IMMT: variants seen among roughly 807,000 people sequenced by gnomAD.
IMMT encodes inner membrane mitochondrial protein, also known as MICOS complex subunit MIC60.
A neutral mutation model predicts 92.7 loss-of-function variants in IMMT; 40 were observed. The observed-to-expected ratio is 0.43, with a 90% confidence interval of 0.34 to 0.56. IMMT has a LOEUF of 0.56. Ranked by LOEUF, IMMT falls within the 20% of genes least tolerant of loss-of-function variation. IMMT has a pLI of 0.03. For missense variants in IMMT, 831 were observed against 912.1 expected (o/e 0.91, Z 1.14); for synonymous variants, 322 against 336.1 (o/e 0.96, Z 0.46).
intron 3 of IMMT, among the ~76,000 whole-genome samples, chr2:86,178,525 C>T (rs1677603344): frequency 6.6e-6 from 1 of 151,754 alleles, no homozygotes; most frequent in African/African-American, 2.4e-5. Context: ...ACTTGGAAGG[C>T]TGAGGCAGGA....
intron 3 of IMMT, among the ~76,000 whole-genome samples, chr2:86,175,925 T>C (rs1369454351): frequency 2.6e-5 from 4 of 152,200 alleles, no homozygotes; most frequent in Non-Finnish European, 5.9e-5. Flanking sequence ...TCTTTAAGCA[T>C]GGCCCTTGGA....
chr2:86,144,206 T>G lies in IMMT; in HGVS notation c.*62A>C, dbSNP rs1438991668. The G allele has an allele frequency of 1.3e-6, 2 of 1,582,500 alleles. No individual in the cohort carries two copies. Among genetic ancestry groups the G allele is most frequent in the East Asian group, 4.5e-5 (2 of 44,584 alleles). The stretch of plus-strand genomic sequence containing the variant: ...GTCCGGGACTCTCGCTGCGAACCCT[T>G]CATCTATCACTGCTGATTTCCTTTG... On this transcript the variant is annotated 3_prime_UTR_variant, in exon 15 of 15. Transcript: ENST00000410111.
chr2:86,151,448 C>T lies in IMMT; in HGVS notation c.1250G>A (p.Arg417Lys). The T allele has an allele frequency of 6.2e-7, 1 of 1,614,016 alleles. No homozygotes were observed. The highest frequency in any genetic ancestry group is 8.5e-7 in the Non-Finnish European group (1 of 1,179,906). The change falls in exon 12 of 15, where the codon AGA becomes AAA. Residue 417 changes from arginine (R) to lysine (K), a missense_variant. Transcript: ENST00000410111. ...HAHRRIDQLN[R>K]ELAEQKATEK... The stretch of plus-strand genomic sequence containing the variant: ...GGTGGCCTTCTGTTCTGCCAGCTCT[C>T]TGTTCAGCTGATCAATACGACGATG...
rs763251457 is a variant in IMMT, at chr2:86,170,815, G to A, written c.589C>T (p.Arg197Ter). The change falls in exon 6 of 15, where the codon CGA becomes TGA. Residue 197 changes from arginine (R) to a stop codon, truncating the protein, a stop_gained. Transcript: ENST00000410111. LOFTEE classifies it high-confidence loss of function. ...EEASSSSIRE[R>*]PPEEVAARLA... is the part of the protein sequence containing the mutation. ...CGAGCTGCAACTTCTTCAGGTGGTC[G>A]CTCCCTTATAGAAGATGAGGATGCT... is the stretch of plus-strand genomic sequence containing the variant. 3 of 1,586,660 alleles carry A rather than the reference G, an allele frequency of 1.9e-6. No homozygotes were observed. The highest frequency in any genetic ancestry group is 2.3e-5 in the East Asian group (1 of 44,368).
intron 11 of IMMT, 127 bp downstream of exon 11, chr2:86,153,433 G>T: frequency 3.9e-6 from 2 of 517,242 alleles, no homozygotes; most frequent in Non-Finnish European, 3.4e-6. Flanking sequence ...GATTTATCAT[G>T]TGACATAATT....
chr2:86,186,798 C>G (rs1017774829), intron 1 of IMMT, among the ~76,000 whole-genome samples: 3 of 152,204 alleles, frequency 2.0e-5, no homozygotes, highest in African/African-American at 7.2e-5. Flanking sequence ...TTACCCCAAG[C>G]TCAAGGTGGC....
chr2:86,180,028 G>A (rs1274925077), intron 2 of IMMT, among the ~76,000 whole-genome samples: 2 of 152,030 alleles, frequency 1.3e-5, no homozygotes, highest in Non-Finnish European at 2.9e-5. Context: ...TGTGAGCCAT[G>A]ATCATGCCAT....
chr2:86,170,140 T>C (rs1676980387), intron 6 of IMMT, among the ~76,000 whole-genome samples: 1 of 152,084 alleles, frequency 6.6e-6, no homozygotes, highest in African/African-American at 2.4e-5. Context: ...TAGGGCTGGG[T>C]ACAAGGGCTC....
chr2:86,170,403 A>C (rs1237022508), intron 6 of IMMT, among the ~76,000 whole-genome samples: 1 of 152,210 alleles, frequency 6.6e-6, no homozygotes, highest in East Asian at 1.9e-4. Flanking sequence ...TGGGTGACAG[A>C]AAAGAGCCTA....
At chr2:86,164,051 C>CTTTTT (rs1333229562) in intron 7 of IMMT, among the ~76,000 whole-genome samples, 18 of 83,048 alleles carry the variant, frequency 2.2e-4, no homozygotes, top group Non-Finnish European at 3.7e-4. Flanking sequence ...CCACTTTAGT[C>CTTTTT]ATTTTTTTTT....
chr2:86,193,222 A>T (rs1673275478), intron 1 of IMMT: 1 of 151,944 alleles, frequency 6.6e-6, no homozygotes, highest in South Asian at 2.1e-4. Flanking sequence ...TGGCCAACAC[A>T]GAGAGACTCC....
rs1191253140 is a variant in IMMT, at chr2:86,158,692, A to C, written c.1062T>G (p.Val354=). ...CCACCAGCTCATGATACTGAGATAC[A>C]ACCTTAGCCTCAGACTGAGCTGCTT... ...KVQAAQSEAK[V]VSQYHELVVQ... Residue 354 remains valine, a synonymous_variant, in exon 10 of 15, where the codon GTT becomes GTG. Coordinates refer to ENST00000410111, the MANE Select transcript of IMMT (RefSeq NM_006839.3). 6.2e-7 allele frequency: 1 copy of C among 1,606,592 alleles called. No individual in the cohort carries two copies. The highest frequency in any genetic ancestry group is 8.5e-7 in the Non-Finnish European group (1 of 1,176,314).
intron 10 of IMMT, 70 bp downstream of exon 10, chr2:86,158,522 G>T: frequency 1.5e-6 from 2 of 1,333,224 alleles, no homozygotes; most frequent in Admixed American, 2.1e-5. Context: ...CAATGGAGAT[G>T]AAGCAAGTTT....
chr2:86,169,345 T>C (rs1676933237), intron 6 of IMMT, among the ~76,000 whole-genome samples: 2 of 152,200 alleles, frequency 1.3e-5, no homozygotes, highest in African/African-American at 2.4e-5. Context: ...TATTAAATAT[T>C]CACAAATATT....
At chr2:86,187,261 T>A (rs1039063443) in intron 1 of IMMT, among the ~76,000 whole-genome samples, 3 of 152,236 alleles carry the variant, frequency 2.0e-5, no homozygotes, top group African/African-American at 7.2e-5. Flanking sequence ...TCTGTTTCTA[T>A]GAATCTGCCT....
At chr2:86,167,406 C>G (rs569483392) in intron 6 of IMMT, among the ~76,000 whole-genome samples, 16 of 151,358 alleles carry the variant, frequency 1.1e-4, no homozygotes, top group African/African-American at 3.9e-4. Flanking sequence ...ATCTACTGAC[C>G]CCATGATCCG....
At chr2:86,187,033 T>G (rs373753502) in intron 1 of IMMT, among the ~76,000 whole-genome samples, 120 of 152,232 alleles carry the variant, frequency 7.9e-4, no homozygotes, top group African/African-American at 2.5e-3. Context: ...TTTTTTTTCC[T>G]CTATGTGACA....
chr2:86,153,435 G>T, intron 11 of IMMT, 125 bp downstream of exon 11: 1 of 524,544 alleles, frequency 1.9e-6, no homozygotes, highest in Non-Finnish European at 3.3e-6. Context: ...TTTATCATGT[G>T]ACATAATTCT....
At chr2:86,195,035 G>C (rs1023842924) in intron 1 of IMMT, 2 of 364,288 alleles carry the variant, frequency 5.5e-6, no homozygotes, top group African/African-American at 4.2e-5. Flanking sequence ...CGGCGACCCA[G>C]ACGCCAGCAG....
Sources: allele counts gnomAD v4.1 joint callset (sites outside exome capture counted in the v4.1 genomes callset), GRCh38; gene constraint gnomAD v4.1.1; transcripts MANE v1.5; gene names NCBI Gene and HGNC (gene_info 2026-07-23, HGNC 2026-07-21).